ASTN1: variants seen among roughly 807,000 people sequenced by gnomAD.
ASTN1 encodes the protein astrotactin 1.
A neutral mutation model predicts 140.7 loss-of-function variants in ASTN1; 41 were observed. The ratio of observed to expected loss-of-function variants is 0.29; its 90% CI spans 0.23 to 0.38. The LOEUF is 0.38. ASTN1 is among the 10% of genes least tolerant of loss of function. The pLI is 1.00. For synonymous variants in ASTN1, 640 were observed against 652.2 expected (o/e 0.98, Z 0.29); for missense variants, 1,479 against 1,678.8 (o/e 0.88, Z 2.08).
chr1:176,929,869 G>A lies in ASTN1; in HGVS notation c.2671+4283C>T, dbSNP rs902630137. Among the ~76,000 whole-genome samples the A allele has an allele frequency of 6.6e-5, 10 of 152,198 alleles. No individual in the cohort carries two copies. In the East Asian group the frequency reaches 7.8e-4, roughly 12 times the overall value. ...TAAAAATACAAAAAATTAGCCAGGC[G>A]TGGTGGCAGGTGCCTGTAGTCCCAG... On this transcript the variant is annotated intron_variant, in intron 16 of 22. Transcript: ENST00000361833.
chr1:177,010,215 C>T (rs1675224318), intron 8 of ASTN1, among the ~76,000 whole-genome samples: 1 of 152,058 alleles, frequency 6.6e-6, no homozygotes, highest in Admixed American at 6.5e-5. Context: ...GTTGTCCTAG[C>T]AAACAAATAT....
chr1:177,075,111 T>G (rs1394518897), intron 1 of ASTN1, among the ~76,000 whole-genome samples: 1 of 152,192 alleles, frequency 6.6e-6, no homozygotes, highest in Non-Finnish European at 1.5e-5. Flanking sequence ...TCTTGCTGTG[T>G]CACCCAGGCT....
chr1:177,032,376 G>A (rs1042662660), intron 3 of ASTN1, 80 bp downstream of exon 3: 1 of 1,525,068 alleles, frequency 6.6e-7, no homozygotes, highest in Non-Finnish European at 8.9e-7. Flanking sequence ...ACCAGCTGTT[G>A]TCACACAGCT....
chr1:177,122,423 C>T (rs146134508), intron 1 of ASTN1, among the ~76,000 whole-genome samples: 5 of 152,258 alleles, frequency 3.3e-5, no homozygotes, highest in Admixed American at 2.0e-4. Context: ...ATGGCTCAAA[C>T]GTACTTGATT....
chr1:176,861,720 TG>T lies in ASTN1; in HGVS notation c.*2563del, dbSNP rs1487568271. 2.0e-6 allele frequency: 2 copies of T among 984,910 alleles called. No homozygotes were observed. The highest frequency in any genetic ancestry group is 9.4e-5 in the South Asian group (2 of 21,254). 61.0% of individuals were successfully genotyped at this position (984,910 alleles called of 1,614,324 possible). ...TGTGTACATACATACACACATTCAG[TG>T]GGGAGAACTCAACGAGAAACAGGAG... On this transcript the variant is annotated 3_prime_UTR_variant, in exon 23 of 23. Coordinates refer to ENST00000361833, the MANE Select transcript of ASTN1 (RefSeq NM_004319.3).
chr1:177,040,126 C>T (rs1014772200), intron 2 of ASTN1, among the ~76,000 whole-genome samples: 3 of 152,234 alleles, frequency 2.0e-5, no homozygotes, highest in African/African-American at 4.8e-5. Flanking sequence ...AATAGAAATC[C>T]ATTATCCCCT....
intron 1 of ASTN1, among the ~76,000 whole-genome samples, chr1:177,086,383 C>T (rs558016929): frequency 6.6e-6 from 1 of 152,002 alleles, no homozygotes; most frequent in South Asian, 2.1e-4. Context: ...AGCAATAATC[C>T]CAAACTAAAC....
chr1:177,127,820 T>C (rs528973113), intron 1 of ASTN1, among the ~76,000 whole-genome samples: 128 of 152,322 alleles, frequency 8.4e-4, no homozygotes, highest in African/African-American at 2.8e-3. Context: ...TTTAAACAGT[T>C]TGTCAGGTCA....
chr1:177,140,955 G>A (rs546998420), intron 1 of ASTN1, among the ~76,000 whole-genome samples: 13 of 152,266 alleles, frequency 8.5e-5, no homozygotes, highest in Admixed American at 3.3e-4. Flanking sequence ...AGTGGCTCAC[G>A]CCTGTAATCC....
intron 13 of ASTN1, among the ~76,000 whole-genome samples, chr1:176,945,383 G>T (rs905441529): frequency 6.6e-6 from 1 of 152,108 alleles, no homozygotes; most frequent in Admixed American, 6.5e-5. Context: ...AAACATGAGA[G>T]AAGTAATATT....
intron 1 of ASTN1, among the ~76,000 whole-genome samples, chr1:177,071,805 G>A (rs964312252): frequency 6.6e-6 from 1 of 152,172 alleles, no homozygotes; most frequent in African/African-American, 2.4e-5. Context: ...AGTTCCTTCA[G>A]AGTAAGGCTG....
At chr1:177,075,678 G>A (rs1193887355) in intron 1 of ASTN1, among the ~76,000 whole-genome samples, 20 of 122,978 alleles carry the variant, frequency 1.6e-4, no homozygotes, top group African/African-American at 5.5e-4. Flanking sequence ...ACAAGGTCTC[G>A]CTCTGTTGCC....
At chr1:177,146,473 T>A (rs1682727420) in intron 1 of ASTN1, among the ~76,000 whole-genome samples, 1 of 152,210 alleles carries the variant, frequency 6.6e-6, no homozygotes, top group Non-Finnish European at 1.5e-5. Flanking sequence ...AGACTTAAAC[T>A]TTTTTTATAC....
chr1:176,863,097 A>G lies in ASTN1; in HGVS notation c.*1187T>C. On this transcript the variant is annotated 3_prime_UTR_variant, in exon 23 of 23. Coordinates refer to ENST00000361833, the MANE Select transcript of ASTN1 (RefSeq NM_004319.3). ...AATGCTTGGGCAGTGGGATGGAAAC[A>G]ACACTCTAGATGTTAACTGCAATCA... 1.0e-6 allele frequency: 1 copy of G among 985,750 alleles called. No homozygotes were observed. The highest frequency in any genetic ancestry group is 1.2e-6 in the Non-Finnish European group (1 of 829,886). 61.1% of individuals were successfully genotyped at this position (985,750 alleles called of 1,614,324 possible). A position where few individuals can be genotyped will look rare whatever the true frequency, so the allele number is the denominator to read the frequency against.
chr1:176,880,906 G>A (rs1230334906), intron 20 of ASTN1, among the ~76,000 whole-genome samples: 2 of 152,206 alleles, frequency 1.3e-5, no homozygotes, highest in African/African-American at 4.8e-5. Flanking sequence ...CAGAGTCAGA[G>A]GGGATTCTCA....
At chr1:176,882,543 T>C (rs1668845253) in intron 20 of ASTN1, among the ~76,000 whole-genome samples, 1 of 53,118 alleles carries the variant, frequency 1.9e-5, no homozygotes, top group African/African-American at 8.7e-5. Context: ...TCTTCTCTTT[T>C]ACAATTTTTT....
chr1:177,124,472 A>G (rs1326197582), intron 1 of ASTN1, among the ~76,000 whole-genome samples: 1 of 152,190 alleles, frequency 6.6e-6, no homozygotes, highest in Non-Finnish European at 1.5e-5. Flanking sequence ...TATATGAGAG[A>G]TTTAGTAAGG....
chr1:176,963,340 G>A (rs1672745824), intron 9 of ASTN1, among the ~76,000 whole-genome samples: 1 of 152,110 alleles, frequency 6.6e-6, no homozygotes, highest in Admixed American at 6.6e-5. Flanking sequence ...TTTTTAGAGT[G>A]GTCGTTGGTA....
chr1:177,161,523 A>C (rs957511325), intron 1 of ASTN1, among the ~76,000 whole-genome samples: 1 of 152,224 alleles, frequency 6.6e-6, no homozygotes, highest in African/African-American at 2.4e-5. Flanking sequence ...ATGGTTTAGA[A>C]GGAAGAATGG....
Sources: gnomAD v4.1 joint callset for allele counts (sites outside exome capture counted in the v4.1 genomes callset) on GRCh38, gnomAD v4.1.1 for gene constraint, MANE v1.5 for transcripts, NCBI Gene and HGNC (gene_info 2026-07-23, HGNC 2026-07-21) for gene names.